PHACTR1: variants seen among roughly 807,000 people sequenced by gnomAD.
PHACTR1 encodes RPEL repeat containing 1.
Under a neutral mutation model 69.2 loss-of-function variants are expected in PHACTR1, and 16 were observed. The observed-to-expected ratio is 0.23, with a 90% confidence interval of 0.16 to 0.35. The LOEUF (loss-of-function observed/expected upper bound fraction) is 0.35, where lower values mean the gene tolerates loss of function less well. PHACTR1 is among the 10% of genes least tolerant of loss of function. The pLI is 1.00. For missense variants in PHACTR1, 510 were observed against 734.7 expected (o/e 0.69, Z 3.54); for synonymous variants, 312 against 284.5 (o/e 1.10, Z -0.97).
At position 13,246,170 on chromosome 6, in the gene PHACTR1, G is replaced by A. The variant is rs756249456; in HGVS notation, c.1391+15977G>A. Among the ~76,000 whole-genome samples, 1 of 152,166 alleles carries A rather than the reference G, an allele frequency of 6.6e-6. No homozygotes were observed. Among genetic ancestry groups the A allele is most frequent in the African/African-American group, 2.4e-5 (1 of 41,436 alleles). ...TTTTACTGGAATAAACAGGCCAGTT[G>A]TTAGTTAGCAACCATAACAACTCAT... On this transcript the variant is annotated intron_variant, in intron 10 of 14. Transcript: ENST00000332995. This position sits in a 1 kb window ranked among gnomAD's most constrained non-coding sequence, Gnocchi z 4.2.
intron 7 of PHACTR1, among the ~76,000 whole-genome samples, chr6:13,193,357 G>GTATATATATATA (rs56305254): frequency 0.094 from 6,352 of 67,586 alleles, 891 homozygotes; most frequent in Non-Finnish European, 0.12. Flanking sequence ...AGCTCTCTGT[G>GTATATATATATA]TATATATATA....
At chr6:12,917,587 T>C (rs535406040) in intron 4 of PHACTR1, among the ~76,000 whole-genome samples, 2 of 152,160 alleles carry the variant, frequency 1.3e-5, no homozygotes, top group Admixed American at 6.5e-5. Context: ...GCCCTGTCTG[T>C]AAACAAGTTA....
In PHACTR1 at chr6:13,179,404, T is replaced by TTGTGTGTGTG. The variant is rs1159935117; in HGVS notation, c.497-3115_497-3114insTGTGTGTGTG. Among the ~76,000 whole-genome samples the TTGTGTGTGTG allele has an allele frequency of 1.3e-5, 1 of 75,852 alleles. No homozygotes were observed. The highest frequency in any genetic ancestry group is 2.7e-5 in the Non-Finnish European group (1 of 37,516). The allele number at this position is 75,852 out of a possible 152,430, so 49.8% of individuals were successfully genotyped here. On this transcript the variant is annotated intron_variant, in intron 6 of 14. Transcript: ENST00000332995. The surrounding 1 kb of genome is among the most constrained non-coding windows in gnomAD (Gnocchi z 4.2). The stretch of plus-strand genomic sequence containing the variant: ...ATATACAGCCCATTACATTAATGTT[T>TTGTGTGTGTG]CGTGTGTGTGTGTGTGTGTGTGTGT...
intron 4 of PHACTR1, among the ~76,000 whole-genome samples, chr6:12,811,024 G>T (rs975822094): frequency 5.3e-5 from 8 of 152,276 alleles, no homozygotes; most frequent in African/African-American, 1.9e-4. Flanking sequence ...CTCATGTGTA[G>T]ATTCAGTGGG....
intron 4 of PHACTR1, among the ~76,000 whole-genome samples, chr6:12,965,991 G>A (rs912467752): frequency 2.0e-5 from 3 of 152,166 alleles, no homozygotes; most frequent in African/African-American, 7.2e-5. Flanking sequence ...CGGACATGGC[G>A]GTGGCAAGGA....
intron 5 of PHACTR1, among the ~76,000 whole-genome samples, chr6:13,126,214 T>G (rs949431483): frequency 1.3e-5 from 2 of 152,168 alleles, no homozygotes; most frequent in African/African-American, 2.4e-5. Flanking sequence ...AGTTCACTAA[T>G]TGGCAAAAGT....
At chr6:12,874,733 T>C (rs1424982594) in intron 4 of PHACTR1, among the ~76,000 whole-genome samples, 2 of 152,200 alleles carry the variant, frequency 1.3e-5, no homozygotes, top group Non-Finnish European at 2.9e-5. Context: ...TCAGTGGGTC[T>C]CTGCCTTGAA....
intron 4 of PHACTR1, among the ~76,000 whole-genome samples, chr6:12,815,029 A>G (rs923986577): frequency 9.2e-5 from 14 of 152,348 alleles, no homozygotes; most frequent in African/African-American, 2.6e-4. Flanking sequence ...CATTGTAATG[A>G]TACAGTCTCC....
chr6:12,777,090 C>T (rs1407587697), intron 4 of PHACTR1, among the ~76,000 whole-genome samples: 1 of 151,966 alleles, frequency 6.6e-6, no homozygotes, highest in Non-Finnish European at 1.5e-5. Context: ...TTAATATATC[C>T]GTGGATTGCT....
rs557411100 is a variant in PHACTR1, at chr6:12,954,001, T to C, written c.251-99364T>C. On this transcript the variant is annotated intron_variant, in intron 4 of 14. Transcript: ENST00000332995. ...ACATTGACTAATAAAAGCGGCGTGA[T>C]GACATAGGTGAGGAAACTGTTAATT... Among the ~76,000 whole-genome samples the C allele has an allele frequency of 7.9e-4, 121 of 152,268 alleles. 1 individual carries two copies. Among genetic ancestry groups the C allele is most frequent in the African/African-American group, 2.5e-3 (105 of 41,550 alleles).
In PHACTR1 at chr6:13,118,446, C is replaced by T. The variant is rs573905037; in HGVS notation, c.416-41758C>T. Among the ~76,000 whole-genome samples the T allele has an allele frequency of 9.4e-4, 140 of 148,854 alleles. 1 individual carries two copies. Among genetic ancestry groups the T allele is most frequent in the African/African-American group, 2.9e-3 (118 of 40,472 alleles). The stretch of plus-strand genomic sequence containing the variant: ...GTGAAGCTTCTCTGTGAGTTCATTG[C>T]TCTGAAGCTTGCCCAACCAGGGCCA... On this transcript the variant is annotated intron_variant, in intron 5 of 14. Transcript: ENST00000332995.
In PHACTR1 at chr6:12,985,495, T is replaced by C. The variant is rs569442793; in HGVS notation, c.251-67870T>C. Among the ~76,000 whole-genome samples, 11 of 146,992 alleles carry C rather than the reference T, an allele frequency of 7.5e-5. No homozygotes were observed. In the East Asian group the frequency reaches 9.9e-4, roughly 13 times the overall value. On this transcript the variant is annotated intron_variant, in intron 4 of 14. Transcript: ENST00000332995. The stretch of plus-strand genomic sequence containing the variant: ...TGGCTACTGTTTATATTGACCATAC[T>C]ACATCATCAGAAGTTTGTAAAGTAC...
intron 10 of PHACTR1, among the ~76,000 whole-genome samples, chr6:13,231,081 AAGG>A (rs1562036873): frequency 0.011 from 125 of 11,048 alleles, 9 homozygotes; most frequent in African/African-American, 0.065. Context: ...GGAAGGAAGG[AAGG>A]AAGAAGGAAG....
chr6:12,831,782 A>C lies in PHACTR1; in HGVS notation c.250+81992A>C, dbSNP rs1265914229. On this transcript the variant is annotated intron_variant, in intron 4 of 14. Coordinates refer to ENST00000332995, the MANE Select transcript of PHACTR1 (RefSeq NM_030948.6). Reference sequence around the variant, plus strand: ...TATAAGGGAAGAGAAGATTAAATCTAAGAGATGGAAAATACACTTCTCATT... The same window carrying C: ...TATAAGGGAAGAGAAGATTAAATCTCAGAGATGGAAAATACACTTCTCATT... 2.0e-5 allele frequency among the ~76,000 whole-genome samples: 3 copies of C among 152,142 alleles called. No individual in the cohort carries two copies. In the East Asian group the frequency reaches 5.8e-4, roughly 29 times the overall value.
intron 4 of PHACTR1, among the ~76,000 whole-genome samples, chr6:12,820,860 C>T (rs1421268378): frequency 6.6e-6 from 1 of 152,138 alleles, no homozygotes; most frequent in Admixed American, 6.5e-5. Flanking sequence ...AACAAAAAAT[C>T]ATCATTACCA....
intron 10 of PHACTR1, among the ~76,000 whole-genome samples, chr6:13,258,694 ACT>A (rs932886186): frequency 5.9e-5 from 9 of 152,120 alleles, no homozygotes; most frequent in Non-Finnish European, 7.4e-5. Context: ...CTTCTTGAAG[ACT>A]CTGACAGAGG....
chr6:12,776,359 G>A (rs1411381634), intron 4 of PHACTR1, among the ~76,000 whole-genome samples: 1 of 152,118 alleles, frequency 6.6e-6, no homozygotes, highest in Non-Finnish European at 1.5e-5. Flanking sequence ...TTCTACTTGT[G>A]CTGAAAAAGC....
At chr6:12,960,584 C>A (rs747192080) in intron 4 of PHACTR1, among the ~76,000 whole-genome samples, 1 of 152,150 alleles carries the variant, frequency 6.6e-6, no homozygotes. Context: ...TGGGTCACAG[C>A]GACCCCACAC....
chr6:12,796,176 A>G (rs1010917849), intron 4 of PHACTR1, among the ~76,000 whole-genome samples: 2 of 152,176 alleles, frequency 1.3e-5, no homozygotes, highest in Non-Finnish European at 2.9e-5. Flanking sequence ...CTAAATATGC[A>G]TTTGCTTTTA....
Sources: gnomAD v4.1 joint callset for allele counts (sites outside exome capture counted in the v4.1 genomes callset) on GRCh38, gnomAD v4.1.1 for gene constraint, Gnocchi (gnomAD v3.1) non-coding constraint, MANE v1.5 for transcripts, NCBI Gene and HGNC (gene_info 2026-07-23, HGNC 2026-07-21) for gene names.